Variants in ANO5 observed in about 807,000 individuals in gnomAD.
The protein encoded by ANO5 is anoctamin 5.
In ANO5, 109 loss-of-function variants were observed where a neutral mutation model predicts 121.0. The observed-to-expected ratio is 0.90, with a 90% CI of 0.77 to 1.06. The LOEUF (loss-of-function observed/expected upper bound fraction) is 1.06, where lower values mean the gene tolerates loss of function less well. Among genes scored for constraint, ANO5 ranks in the 50% least tolerant of loss-of-function variants. The pLI, the probability that ANO5 is intolerant of heterozygous loss-of-function variation, is 0.00. For missense variants in ANO5, 1,064 were observed against 1,078.5 expected (o/e 0.99, Z 0.19); for synonymous variants, 406 against 359.9 (o/e 1.13, Z -1.45).
intron 10 of ANO5, 21 bp downstream of exon 10, chr11:22,250,392 C>T: frequency 6.2e-7 from 1 of 1,612,904 alleles, no homozygotes; most frequent in African/African-American, 1.3e-5. Flanking sequence ...CTGAGTTGCC[C>T]AGATAGAGAA....
At position 22,272,764 on chromosome 11, in the gene ANO5, C is replaced by G. The variant is rs927040733; in HGVS notation, c.2030-20C>G. ...TCTCCTTCACAATAATGAGTTCATG[C>G]CTTTTTCTTTTCTCTACAGTTACTC... On this transcript the variant is annotated intron_variant, in intron 18 of 21. Coordinates refer to ENST00000324559, the MANE Select transcript of ANO5 (RefSeq NM_213599.3). The G allele has an allele frequency of 6.2e-7, 1 of 1,604,410 alleles. No homozygotes were observed. Among genetic ancestry groups the G allele is most frequent in the African/African-American group, 1.3e-5 (1 of 74,732 alleles).
rs149917700 is a variant in ANO5 at position 22,223,773 on chromosome 11, G to C, written c.295-2211G>C. On this transcript the variant is annotated intron_variant, in intron 5 of 21. Transcript: ENST00000324559. ...TAAATTATATTTGATATTCTTTACT[G>C]GGCCATTTTCTTCCATGAATAACTA... is the stretch of plus-strand genomic sequence containing the variant. 1.5e-3 allele frequency among the ~76,000 whole-genome samples: 233 copies of C among 151,862 alleles called. 2 individuals are homozygous for C. The South Asian group carries it at 0.024, about 16-fold the overall frequency.
intron 2 of ANO5, among the ~76,000 whole-genome samples, chr11:22,210,926 TGTA>T (rs1273935957): frequency 6.6e-6 from 1 of 151,944 alleles, no homozygotes; most frequent in Non-Finnish European, 1.5e-5. Context: ...TTCTCAGTAA[TGTA>T]GTAGTTCTTA....
intron 1 of ANO5, among the ~76,000 whole-genome samples, chr11:22,201,236 A>G (rs1851955184): frequency 6.6e-6 from 1 of 152,180 alleles, no homozygotes; most frequent in South Asian, 2.1e-4. Context: ...TTTTTCAATA[A>G]ATGTTTATCA....
In ANO5 at chr11:22,279,538, C is replaced by A; in HGVS notation, c.2521-6C>A. On this transcript the variant is annotated splice_region_variant and splice_polypyrimidine_tract_variant and intron_variant, in intron 21 of 21. Coordinates refer to ENST00000324559, the MANE Select transcript of ANO5 (RefSeq NM_213599.3). ...GCGTCTAATCTTTCCTTTATATTTCCTCTAGCATGTTGTGTTTTTAGTTAA... is the reference window on the plus strand; with the variant it reads ...GCGTCTAATCTTTCCTTTATATTTCATCTAGCATGTTGTGTTTTTAGTTAA... The A allele has an allele frequency of 6.2e-7, 1 of 1,605,172 alleles. No individual in the cohort carries two copies. Among genetic ancestry groups the A allele is most frequent in the Non-Finnish European group, 8.5e-7 (1 of 1,173,042 alleles).
chr11:22,268,363 T>C (rs1419856092), intron 17 of ANO5, among the ~76,000 whole-genome samples: 4 of 152,150 alleles, frequency 2.6e-5, no homozygotes, highest in Non-Finnish European at 5.9e-5. Context: ...AACTTCTACA[T>C]ATAGGTCTTA....
At chr11:22,202,872 T>C (rs80085302) in intron 1 of ANO5, among the ~76,000 whole-genome samples, 187 of 152,298 alleles carry the variant, frequency 1.2e-3, no homozygotes, top group African/African-American at 4.2e-3. Flanking sequence ...AGGGCCCACC[T>C]TAAATCCAGT....
At position 22,260,101 on chromosome 11, in the gene ANO5, A is replaced by G. The variant is rs7108665; in HGVS notation, c.1630+360A>G. ...TTCATGTGTATGGTTCTTATAAAGT[A>G]TTGATTTTGGAAGTTATTGTGAGAA... On this transcript the variant is annotated intron_variant, in intron 15 of 21. Coordinates refer to ENST00000324559, the MANE Select transcript of ANO5 (RefSeq NM_213599.3). Among the ~76,000 whole-genome samples, 1,423 of 152,312 alleles carry G rather than the reference A, an allele frequency of 9.3e-3. 22 individuals are homozygous for G. The highest frequency in any genetic ancestry group is 0.032 in the African/African-American group (1,349 of 41,560).
At chr11:22,212,703 A>T (rs941776535) in intron 3 of ANO5, among the ~76,000 whole-genome samples, 2 of 151,894 alleles carry the variant, frequency 1.3e-5, no homozygotes, top group Admixed American at 1.3e-4. Flanking sequence ...ATCATTTAAA[A>T]TTGCATTTCT....
intron 1 of ANO5, among the ~76,000 whole-genome samples, chr11:22,202,809 T>C (rs983761986): frequency 6.6e-6 from 1 of 152,318 alleles, no homozygotes; most frequent in East Asian, 1.9e-4. Context: ...ACTGCCTTCT[T>C]CTGTGCCTCT....
intron 12 of ANO5, among the ~76,000 whole-genome samples, chr11:22,254,619 T>C (rs1853932373): frequency 6.6e-6 from 1 of 151,864 alleles, no homozygotes; most frequent in Non-Finnish European, 1.5e-5. Flanking sequence ...CACGAAAAAG[T>C]ATCAGTTGTA....
chr11:22,196,858 A>C lies in ANO5; in HGVS notation c.40+3326A>C, dbSNP rs547186191. ...CACTCTAGCCTGGTGACAGAGTGAG[A>C]CTCCGTCTCAAATAAATAAATAAAT... On this transcript the variant is annotated intron_variant, in intron 1 of 21. Transcript: ENST00000324559. Among the ~76,000 whole-genome samples, 7 of 152,268 alleles carry C rather than the reference A, an allele frequency of 4.6e-5. 1 individual carries two copies. The South Asian group carries it at 1.5e-3, about 32-fold the overall frequency.
chr11:22,218,670 C>A (rs4534587), intron 4 of ANO5, among the ~76,000 whole-genome samples: 102,061 of 151,848 alleles, frequency 0.67, 36,436 homozygotes, highest in Non-Finnish European at 0.81. Flanking sequence ...AGGTAATCCT[C>A]CCACCTCAGC....
intron 5 of ANO5, among the ~76,000 whole-genome samples, chr11:22,225,597 C>G (rs1387626581): frequency 6.6e-6 from 1 of 152,122 alleles, no homozygotes. Context: ...TGATGACATA[C>G]TGGCTTAAAA....
At chr11:22,262,666 A>G (rs1854228811) in intron 16 of ANO5, among the ~76,000 whole-genome samples, 1 of 152,224 alleles carries the variant, frequency 6.6e-6, no homozygotes, top group South Asian at 2.1e-4. Flanking sequence ...AATGGAAGAT[A>G]TAACAACTCC....
At chr11:22,216,124 T>C (rs1053836169) in intron 3 of ANO5, among the ~76,000 whole-genome samples, 8 of 151,892 alleles carry the variant, frequency 5.3e-5, no homozygotes, top group Non-Finnish European at 8.8e-5. Flanking sequence ...TCAAGACCAT[T>C]ATGAATAAGG....
chr11:22,202,461 A>AT (rs34892286), intron 1 of ANO5, among the ~76,000 whole-genome samples: 6 of 151,974 alleles, frequency 3.9e-5, no homozygotes, highest in Non-Finnish European at 8.8e-5. Flanking sequence ...GATTTTTTAA[A>AT]TTTTTTTTTG....
At chr11:22,194,981 C>T (rs185157106) in intron 1 of ANO5, among the ~76,000 whole-genome samples, 3 of 152,222 alleles carry the variant, frequency 2.0e-5, no homozygotes, top group Admixed American at 6.5e-5. Flanking sequence ...TATGTGGTAG[C>T]TTTATATTGA....
At position 22,198,322 on chromosome 11, in the gene ANO5, G is replaced by GA. The variant is rs1328857084; in HGVS notation, c.40+4793dup. Reference sequence around the variant, plus strand: ...ACAGTTGAGGTTTCAGGCAAGGCCTGAAAGGAGGAGGTCTAGGCTGATATA... The same window carrying GA: ...ACAGTTGAGGTTTCAGGCAAGGCCTGAAAAGGAGGAGGTCTAGGCTGATATA... On this transcript the variant is annotated intron_variant, in intron 1 of 21. Coordinates refer to ENST00000324559, the MANE Select transcript of ANO5 (RefSeq NM_213599.3). 3.9e-5 allele frequency among the ~76,000 whole-genome samples: 6 copies of GA among 152,310 alleles called. No individual in the cohort carries two copies. In the East Asian group the frequency reaches 1.2e-3, roughly 29 times the overall value.
Sources: gnomAD v4.1 joint callset for allele counts (sites outside exome capture counted in the v4.1 genomes callset) on GRCh38, gnomAD v4.1.1 for gene constraint, MANE v1.5 for transcripts, NCBI Gene and HGNC (gene_info 2026-07-23, HGNC 2026-07-21) for gene names.